RASSF9: variants seen among roughly 807,000 people sequenced by gnomAD.
RASSF9 encodes ras association domain-containing protein 9.
RASSF9 carries 18 observed loss-of-function variants against 21.4 expected under a neutral mutation model. The ratio of observed to expected loss-of-function variants is 0.84; its 90% CI spans 0.58 to 1.25. The LOEUF (loss-of-function observed/expected upper bound fraction) is 1.25, where lower values mean the gene tolerates loss of function less well. Among genes scored for constraint, RASSF9 ranks in the 50% most tolerant of loss-of-function variants. The pLI, the probability that RASSF9 is intolerant of heterozygous loss-of-function variation, is 0.00. For missense variants in RASSF9, 480 were observed against 503.2 expected (o/e 0.95, Z 0.44); for synonymous variants, 183 against 179.1 (o/e 1.02, Z -0.18).
chr12:85,809,475 A>C (rs1322841069), intron 1 of RASSF9, among the ~76,000 whole-genome samples: 1 of 151,954 alleles, frequency 6.6e-6, no homozygotes, highest in Non-Finnish European at 1.5e-5. Flanking sequence ...TGCAGTAATA[A>C]AATATTTCTG....
intron 1 of RASSF9, among the ~76,000 whole-genome samples, chr12:85,833,689 T>C (rs1009542405): frequency 2.6e-5 from 4 of 152,018 alleles, no homozygotes; most frequent in African/African-American, 9.7e-5. Flanking sequence ...ACAGTTCATA[T>C]ATTTTCCTGC....
intron 1 of RASSF9, among the ~76,000 whole-genome samples, chr12:85,832,481 C>A (rs938537049): frequency 2.0e-5 from 3 of 151,800 alleles, no homozygotes; most frequent in African/African-American, 7.2e-5. Context: ...TTAAAACAAT[C>A]CTTACCTTGA....
intron 1 of RASSF9, among the ~76,000 whole-genome samples, chr12:85,815,029 A>G (rs1379209976): frequency 6.6e-6 from 1 of 151,952 alleles, no homozygotes; most frequent in Non-Finnish European, 1.5e-5. Flanking sequence ...TCTGTCCTGG[A>G]CAGAAGGGAC....
intron 1 of RASSF9, among the ~76,000 whole-genome samples, chr12:85,818,970 A>AG (rs1880147090): frequency 6.6e-6 from 1 of 151,608 alleles, no homozygotes; most frequent in Non-Finnish European, 1.5e-5. Flanking sequence ...AAAAAAAAAA[A>AG]AAAAAAAAAA....
intron 1 of RASSF9, among the ~76,000 whole-genome samples, chr12:85,807,997 A>G (rs955657923): frequency 1.3e-5 from 2 of 152,178 alleles, no homozygotes; most frequent in Non-Finnish European, 2.9e-5. Flanking sequence ...AGTTAAGTCA[A>G]ATCATTTATC....
chr12:85,809,670 TGA>T (rs1491080099), intron 1 of RASSF9, among the ~76,000 whole-genome samples: 3 of 42,840 alleles, frequency 7.0e-5, no homozygotes, highest in Non-Finnish European at 1.0e-4. Flanking sequence ...ATAGTAATAA[TGA>T]TGATGATGAT....
intron 1 of RASSF9, among the ~76,000 whole-genome samples, chr12:85,828,368 A>C (rs1437686377): frequency 6.6e-6 from 1 of 152,118 alleles, no homozygotes; most frequent in Non-Finnish European, 1.5e-5. Flanking sequence ...GTGTAATCAG[A>C]TTGTAACACA....
intron 1 of RASSF9, among the ~76,000 whole-genome samples, chr12:85,819,147 C>G (rs907968279): frequency 3.3e-5 from 5 of 151,844 alleles, no homozygotes; most frequent in African/African-American, 1.2e-4. Context: ...TGGAAGGAAT[C>G]AAATGCATGC....
intron 1 of RASSF9, among the ~76,000 whole-genome samples, chr12:85,818,982 GA>G (rs1880148284): frequency 7.0e-6 from 1 of 142,064 alleles, no homozygotes; most frequent in Non-Finnish European, 1.5e-5. Context: ...AAAAAAAAAG[GA>G]ACTGTAAAAT....
chr12:85,828,241 G>A (rs554620342), intron 1 of RASSF9, among the ~76,000 whole-genome samples: 29 of 152,112 alleles, frequency 1.9e-4, no homozygotes, highest in African/African-American at 6.0e-4. Context: ...GATCTACTTA[G>A]AACATCATGT....
chr12:85,805,207 T>C lies in RASSF9; in HGVS notation c.803A>G (p.Gln268Arg), dbSNP rs1356341352. 4.3e-6 allele frequency: 7 copies of C among 1,613,908 alleles called. No individual in the cohort carries two copies. Among genetic ancestry groups the C allele is most frequent in the Non-Finnish European group, 4.2e-6 (5 of 1,179,894 alleles). Reference sequence around the variant, plus strand: ...GTAATATTTCAGTCGTTCTTCCAGCTGTTCAATTCCATCACTTTCGCTCAG... The same window carrying C: ...GTAATATTTCAGTCGTTCTTCCAGCCGTTCAATTCCATCACTTTCGCTCAG... ...EDLSESDGIE[Q>R]LEERLKYYRI... Residue 268 changes from glutamine to arginine, a missense_variant, in exon 2 of 2, where the codon CAG (glutamine) becomes CGG (arginine). Physicochemically the swap from Gln to Arg is conservative, Grantham distance 43 (BLOSUM62 1). Coordinates refer to ENST00000361228, the MANE Select transcript of RASSF9 (RefSeq NM_005447.4).
rs972693484 is a variant in RASSF9, at chr12:85,803,098, G to A, written c.*1604C>T. The A allele has an allele frequency of 6.6e-6, 1 of 152,180 alleles. No homozygotes were observed. Among genetic ancestry groups the A allele is most frequent in the Middle Eastern group, 3.4e-3 (1 of 294 alleles). 9.4% of individuals were successfully genotyped at this position (152,180 alleles called of 1,614,324 possible). A position where few individuals can be genotyped will look rare whatever the true frequency, so the allele number is the denominator to read the frequency against. ...AAGATGAGTTAAAAGACAGGAGAAG[G>A]CAGGAACAAATATGTTAAGAAGATT... is the stretch of plus-strand genomic sequence containing the variant. On this transcript the variant is annotated 3_prime_UTR_variant, in exon 2 of 2. Coordinates refer to ENST00000361228, the MANE Select transcript of RASSF9 (RefSeq NM_005447.4).
At chr12:85,806,349 C>T (rs578068920) in intron 1 of RASSF9, among the ~76,000 whole-genome samples, 2 of 149,832 alleles carry the variant, frequency 1.3e-5, no homozygotes, top group Non-Finnish European at 3.0e-5. Flanking sequence ...TGCGCCTGGC[C>T]GAGAGAAGCA....
At chr12:85,821,448 C>T (rs80144443) in intron 1 of RASSF9, among the ~76,000 whole-genome samples, 436 of 152,222 alleles carry the variant, frequency 2.9e-3, no homozygotes, top group African/African-American at 9.2e-3. Flanking sequence ...ATTTGAATCA[C>T]TGTTTTGATA....
chr12:85,814,159 T>G (rs1190851119), intron 1 of RASSF9, among the ~76,000 whole-genome samples: 1 of 152,068 alleles, frequency 6.6e-6, no homozygotes, highest in Non-Finnish European at 1.5e-5. Context: ...ATCTGAGTCT[T>G]GGCCAGCTTC....
chr12:85,804,698 G>A lies in RASSF9; in HGVS notation c.*4C>T, dbSNP rs1879776023. 1.9e-6 allele frequency: 3 copies of A among 1,571,550 alleles called. No homozygotes were observed. Among genetic ancestry groups the A allele is most frequent in the Admixed American group, 1.8e-5 (1 of 55,716 alleles). Reference sequence around the variant, plus strand: ...GAAAGCAGGTCAGAAAGGAGCCATTGGAACTATGTTGACAACAGCACCACA... The same window carrying A: ...GAAAGCAGGTCAGAAAGGAGCCATTAGAACTATGTTGACAACAGCACCACA... On this transcript the variant is annotated 3_prime_UTR_variant, in exon 2 of 2. Coordinates refer to ENST00000361228, the MANE Select transcript of RASSF9 (RefSeq NM_005447.4).
chr12:85,826,970 T>C (rs549072130), intron 1 of RASSF9, among the ~76,000 whole-genome samples: 6 of 152,308 alleles, frequency 3.9e-5, no homozygotes, highest in Admixed American at 2.6e-4. Flanking sequence ...ACCTACAATA[T>C]TCTTTTTCCC....
Position 85,800,705 on chromosome 12 carries a change from A to G in RASSF9, c.*3997T>C, listed in dbSNP as rs914702705. The G allele has an allele frequency of 2.0e-5, 3 of 151,824 alleles. No individual in the cohort carries two copies. The highest frequency in any genetic ancestry group is 7.2e-5 in the African/African-American group (3 of 41,396). 9.4% of individuals were successfully genotyped at this position (151,824 alleles called of 1,614,324 possible). A position where few individuals can be genotyped will look rare whatever the true frequency, so the allele number is the denominator to read the frequency against. On this transcript the variant is annotated 3_prime_UTR_variant, in exon 2 of 2. Transcript: ENST00000361228. ...ACCACCCAAAACAATATCACAAGAA[A>G]GGTATAATTATTTCTTTTATTATTT...
chr12:85,805,761 C>T lies in RASSF9; in HGVS notation c.249G>A (p.Trp83Ter). The T allele has an allele frequency of 1.2e-6, 2 of 1,613,876 alleles. No individual in the cohort carries two copies. Among genetic ancestry groups the T allele is most frequent in the South Asian group, 2.2e-5 (2 of 91,090 alleles). The change falls in exon 2 of 2, where the codon TGG becomes TGA. Residue 83 changes from tryptophan (W) to a stop codon, truncating the protein, a stop_gained. Transcript: ENST00000361228. LOFTEE classifies it high-confidence loss of function. The stretch of plus-strand genomic sequence containing the variant: ...GAGGAAGAACCCTTTCGGAGCCTCT[C>T]CACTTCTCTATGATGCAGTAATCAC... Reference protein sequence around the residue: ...KPSDYCIIEKWRGSERVLPPL... With the variant: ...KPSDYCIIEK
Sources: allele counts gnomAD v4.1 joint callset (sites outside exome capture counted in the v4.1 genomes callset), GRCh38; gene constraint gnomAD v4.1.1; transcripts MANE v1.5; gene names NCBI Gene and HGNC (gene_info 2026-07-23, HGNC 2026-07-21).